TMC8: variants seen among roughly 807,000 people sequenced by gnomAD.
TMC8 encodes the protein transmembrane channel like 8, also known as transmembrane channel-like protein 8.
In TMC8, 71 loss-of-function variants were observed where a neutral mutation model predicts 76.0. The observed-to-expected ratio is 0.93, with a 90% CI of 0.77 to 1.14. TMC8 has a LOEUF of 1.14. TMC8 is among the 50% of genes most tolerant of loss of function. The pLI is 0.00. For synonymous variants in TMC8, 433 were observed against 433.8 expected (o/e 1.00, Z 0.02); for missense variants, 924 against 947.9 (o/e 0.97, Z 0.33).
Position 78,132,514 on chromosome 17 carries a change from T to G in TMC8, c.448+6T>G. On this transcript the variant is annotated splice_donor_region_variant and intron_variant, in intron 4 of 15. Transcript: ENST00000318430. ...AGGCCCCACCCTGAACTTGAGTGAG[T>G]GTGAGGCCCACCAGGGGAAGTGCTC... is the stretch of plus-strand genomic sequence containing the variant. 6.2e-7 allele frequency: 1 copy of G among 1,607,760 alleles called. No individual in the cohort carries two copies.
chr17:78,140,927 T>C lies in TMC8; in HGVS notation c.1996T>C (p.Ser666Pro). The stretch of plus-strand genomic sequence containing the variant: ...CTCTCCGGGCCCCAAGTACCCTGCC[T>C]CCCAAGCTTCGCGCCCGCAGTCCTT... ...SDSPGPKYPA[S>P]QASRPQSFCP... Residue 666 changes from serine to proline, a missense_variant, in exon 16 of 16, where the codon TCC becomes CCC. Transcript: ENST00000318430. 2 of 1,600,906 alleles carry C rather than the reference T, an allele frequency of 1.2e-6. No individual in the cohort carries two copies. The highest frequency in any genetic ancestry group is 1.7e-6 in the Non-Finnish European group (2 of 1,174,628).
At position 78,131,340 on chromosome 17, in the gene TMC8, G is replaced by A. The variant is rs934322377; in HGVS notation, c.-249G>A. ...TGAGAGTTGGAGCGGGGCTGGGCCCGAATTCGACCGCAGCAGGATTCTCTC... is the reference window on the plus strand; with the variant it reads ...TGAGAGTTGGAGCGGGGCTGGGCCCAAATTCGACCGCAGCAGGATTCTCTC... On this transcript the variant is annotated 5_prime_UTR_variant, in exon 2 of 16. Coordinates refer to ENST00000318430, the MANE Select transcript of TMC8 (RefSeq NM_152468.5). 27 of 591,700 alleles carry A rather than the reference G, an allele frequency of 4.6e-5. No homozygotes were observed. The African/African-American group carries it at 4.9e-4, about 11-fold the overall frequency. 36.7% of individuals were successfully genotyped at this position (591,700 alleles called of 1,614,324 possible). A position where few individuals can be genotyped will look rare whatever the true frequency, so the allele number is the denominator to read the frequency against.
At chr17:78,136,327 A>G (rs1031882842) in intron 9 of TMC8, among the ~76,000 whole-genome samples, 1 of 152,104 alleles carries the variant, frequency 6.6e-6, no homozygotes, top group Non-Finnish European at 1.5e-5. Context: ...TTAACTGGGC[A>G]TGATGAAAGA....
intron 9 of TMC8, 89 bp downstream of exon 9, chr17:78,135,098 C>A: frequency 6.4e-7 from 1 of 1,564,712 alleles, no homozygotes; most frequent in Non-Finnish European, 8.7e-7. Context: ...CACCTGGGGT[C>A]CCCAGCTGAG....
At chr17:78,135,385 A>G (rs1455853779) in intron 9 of TMC8, among the ~76,000 whole-genome samples, 2 of 152,190 alleles carry the variant, frequency 1.3e-5, no homozygotes, top group Non-Finnish European at 2.9e-5. Context: ...TGACCCGTGA[A>G]GTCCAGACCA....
chr17:78,131,549 C>A lies in TMC8; in HGVS notation c.-40C>A. The A allele has an allele frequency of 1.3e-6, 2 of 1,537,982 alleles. No homozygotes were observed. Among genetic ancestry groups the A allele is most frequent in the Non-Finnish European group, 1.7e-6 (2 of 1,146,400 alleles). On this transcript the variant is annotated 5_prime_UTR_variant, in exon 2 of 16. Transcript: ENST00000318430. ...AACCGGGGACTCATATCCCCCCCAC[C>A]GGCAGCCCGGCGCCCCAGCCTCTAC...
chr17:78,140,719 TG>T, intron 15 of TMC8, 114 bp from the exon 16 acceptor site: 1 of 1,417,542 alleles, frequency 7.1e-7, no homozygotes, highest in Non-Finnish European at 9.7e-7. Flanking sequence ...GCGTGGCCTC[TG>T]GCTACTTTGG....
chr17:78,140,567 C>T (rs1228260985), intron 15 of TMC8, among the ~76,000 whole-genome samples: 1 of 149,868 alleles, frequency 6.7e-6, no homozygotes, highest in African/African-American at 2.5e-5. Flanking sequence ...TGGTCTCGGG[C>T]GGGGACGTGG....
At chr17:78,137,441 G>A (rs1416042074) in intron 10 of TMC8, 83 bp downstream of exon 10, 6 of 1,605,622 alleles carry the variant, frequency 3.7e-6, no homozygotes, top group Non-Finnish European at 5.1e-6. Context: ...CCCTGTTCCT[G>A]CCCCTTTAGT....
Position 78,141,953 on chromosome 17 carries a change from A to ACCCG in TMC8, c.*843_*846dup, listed in dbSNP as rs2075379522. On this transcript the variant is annotated 3_prime_UTR_variant, in exon 16 of 16. Coordinates refer to ENST00000318430, the MANE Select transcript of TMC8 (RefSeq NM_152468.5). ...GCTTGCGGATCCGTGGGGTGAAGGT[A>ACCCG]CCCGCACCGCCTGGGCCTTAGTGGT... The ACCCG allele has an allele frequency of 6.6e-6, 1 of 152,204 alleles. No individual in the cohort carries two copies. The highest frequency in any genetic ancestry group is 6.5e-5 in the Admixed American group (1 of 15,278). 9.4% of individuals were successfully genotyped at this position (152,204 alleles called of 1,614,324 possible). A position where few individuals can be genotyped will look rare whatever the true frequency, so the allele number is the denominator to read the frequency against.
chr17:78,131,586 G>GCGGGC lies in TMC8; in HGVS notation c.-3_-2insCGGGC. 4 of 1,544,918 alleles carry GCGGGC rather than the reference G, an allele frequency of 2.6e-6. No homozygotes were observed. The highest frequency in any genetic ancestry group is 3.5e-6 in the Non-Finnish European group (4 of 1,146,734). On this transcript the variant is annotated 5_prime_UTR_variant, in exon 2 of 16. Transcript: ENST00000318430. ...GCCCCAGCCTCTACCCGTGCCCGCC[G>GCGGGC]AGATGCTGCTGCCGCGGTCGGTGTC...
intron 14 of TMC8, 103 bp from the exon 15 acceptor site, chr17:78,139,059 C>T (rs750013040): frequency 2.4e-5 from 38 of 1,583,020 alleles, no homozygotes; most frequent in Non-Finnish European, 2.8e-5. Context: ...TGAGAAGACC[C>T]CAGTACCGCG....
intron 10 of TMC8, 149 bp downstream of exon 10, chr17:78,137,507 G>A: frequency 7.1e-7 from 1 of 1,414,562 alleles, no homozygotes; most frequent in South Asian, 1.2e-5. Context: ...ACCTCCAGGG[G>A]GCGCCACTGC....
intron 2 of TMC8, 37 bp downstream of exon 2, chr17:78,131,774 G>GGT: frequency 6.4e-7 from 1 of 1,559,700 alleles, no homozygotes. Flanking sequence ...TGCGTGGGGG[G>GGT]GGTGCTGCGA....
intron 9 of TMC8, among the ~76,000 whole-genome samples, chr17:78,136,282 G>A (rs1354853029): frequency 1.3e-5 from 2 of 152,080 alleles, no homozygotes; most frequent in African/African-American, 4.8e-5. Context: ...TGGGCAACAT[G>A]GCAAGACCCC....
intron 15 of TMC8, among the ~76,000 whole-genome samples, chr17:78,140,432 C>T (rs1189568685): frequency 3.3e-5 from 5 of 151,924 alleles, no homozygotes; most frequent in African/African-American, 9.7e-5. Context: ...GGGGCCTCTA[C>T]CGGGGGCGTG....
In TMC8 at chr17:78,137,723, G is replaced by T; in HGVS notation, c.1258G>T (p.Glu420Ter). 1 of 1,613,490 alleles carries T rather than the reference G, an allele frequency of 6.2e-7. No homozygotes were observed. Among genetic ancestry groups the T allele is most frequent in the Non-Finnish European group, 8.5e-7 (1 of 1,179,972 alleles). Residue 420 changes from glutamate (E) to a stop codon, truncating the protein, a stop_gained, in exon 11 of 16, where the codon GAG (glutamate) becomes TAG (stop). Coordinates refer to ENST00000318430, the MANE Select transcript of TMC8 (RefSeq NM_152468.5). LOFTEE classifies it high-confidence loss of function. ...GYNVCDYQCWENSVGEELYKL... is the reference protein window; with the variant it reads ...GYNVCDYQCW The stretch of plus-strand genomic sequence containing the variant: ...CCCTTCCCCTGCACCCCAGTGCTGG[G>T]AGAACTCCGTGGGGGAGGAGCTGTA...
In TMC8 at chr17:78,131,636, G is replaced by A. The variant is rs1188075422; in HGVS notation, c.48G>A (p.Pro16=). The A allele has an allele frequency of 3.2e-6, 5 of 1,555,414 alleles. No individual in the cohort carries two copies. The highest frequency in any genetic ancestry group is 2.4e-5 in the South Asian group (2 of 84,508). Residue 16 remains proline, a synonymous_variant, in exon 2 of 16, where the codon CCG becomes CCA. Transcript: ENST00000318430. ...CATCGGAGCGGGCCCCTGGGGTGCCGGAGCCGGAGGAGCTGTGGGAGGCAG... is the reference window on the plus strand; with the variant it reads ...CATCGGAGCGGGCCCCTGGGGTGCCAGAGCCGGAGGAGCTGTGGGAGGCAG... The part of the protein sequence containing the change: ...SVSSERAPGV[P]EPEELWEAEM...
chr17:78,132,468 C>T lies in TMC8; in HGVS notation c.408C>T (p.Val136=). The change falls in exon 4 of 16, where the codon GTC becomes GTT. Residue 136 remains valine (V), a synonymous_variant. Coordinates refer to ENST00000318430, the MANE Select transcript of TMC8 (RefSeq NM_152468.5). The stretch of plus-strand genomic sequence containing the variant: ...CAAGCTTCGTGCTGCTGCCCCTGGT[C>T]TGGCTCCGCCCCCCTGACCCAGGCC... ...LTASFVLLPL[V]WLRPPDPGPT... The T allele has an allele frequency of 6.2e-7, 1 of 1,612,076 alleles. No homozygotes were observed. The highest frequency in any genetic ancestry group is 8.5e-7 in the Non-Finnish European group (1 of 1,179,440).
Sources: allele counts gnomAD v4.1 joint callset (sites outside exome capture counted in the v4.1 genomes callset), GRCh38; gene constraint gnomAD v4.1.1; transcripts MANE v1.5; gene names NCBI Gene and HGNC (gene_info 2026-07-23, HGNC 2026-07-21).